Variants in FSTL4 observed in about 807,000 individuals in gnomAD.
FSTL4 encodes the protein follistatin like 4.
In FSTL4, 28 loss-of-function variants were observed where a neutral mutation model predicts 78.2. The observed-to-expected ratio is 0.36, with a 90% CI of 0.27 to 0.49. The LOEUF (loss-of-function observed/expected upper bound fraction) is 0.49, where lower values mean the gene tolerates loss of function less well. Ranked by LOEUF, FSTL4 falls within the 20% of genes least tolerant of loss-of-function variation. The probability of loss-of-function intolerance (pLI) is 0.98; values close to 1 mark genes in which losing one functional copy is unlikely to be tolerated. For synonymous variants in FSTL4, 422 were observed against 440.5 expected, an observed-to-expected ratio of 0.96 and a Z score of 0.53; for missense variants, 922 against 1,084.9, an observed-to-expected ratio of 0.85 and a Z score of 2.11.
chr5:133,620,109 A>C, the FSTL4 span, among the ~76,000 whole-genome samples: 1 of 152,236 alleles, frequency 6.6e-6, no homozygotes, highest in Non-Finnish European at 1.5e-5. Context: ...GAATGTATAC[A>C]AAAAAGTGTT....
rs780529386 is a variant in FSTL4, at chr5:133,249,363, T to C, written c.894+47A>G. ...CTGTGGCATCTTACCCAGTGTACTC[T>C]CCCAGGGAGGTGCGCTTGAGCTCAG... On this transcript the variant is annotated intron_variant, in intron 7 of 15. Transcript: ENST00000265342. 5 of 1,496,422 alleles carry C rather than the reference T, an allele frequency of 3.3e-6. No homozygotes were observed. In the African/African-American group the frequency reaches 6.9e-5, roughly 21 times the overall value. 92.7% of individuals were successfully genotyped at this position (1,496,422 alleles called of 1,614,324 possible). A position where few individuals can be genotyped will look rare whatever the true frequency, so the allele number is the denominator to read the frequency against.
intron 4 of FSTL4, among the ~76,000 whole-genome samples, chr5:133,349,286 CCT>C (rs144025396): frequency 0.015 from 2,199 of 143,192 alleles, 51 homozygotes; most frequent in African/African-American, 0.055. Flanking sequence ...CTGTTGAAAG[CCT>C]CTCTCTCTGT....
At chr5:133,372,265 G>GTATCTATC (rs774609881) in intron 4 of FSTL4, among the ~76,000 whole-genome samples, 1 of 142,082 alleles carries the variant, frequency 7.0e-6, no homozygotes, top group African/African-American at 2.6e-5. Context: ...ATGTATGTAT[G>GTATCTATC]TATGTATCTA....
intron 4 of FSTL4, among the ~76,000 whole-genome samples, chr5:133,368,137 G>A (rs1371553445): frequency 1.3e-5 from 2 of 152,258 alleles, no homozygotes; most frequent in Non-Finnish European, 2.9e-5. Context: ...TTAGCTGGGG[G>A]CTTTGGGCCA....
chr5:133,344,167 A>C (rs1260859752), intron 4 of FSTL4, among the ~76,000 whole-genome samples: 1 of 152,212 alleles, frequency 6.6e-6, no homozygotes, highest in Non-Finnish European at 1.5e-5. Flanking sequence ...ACTTTCTTGA[A>C]AATTTTTAAA....
At chr5:133,803,903 A>AGAAAGAGAAGCCCTGATTTTCAGG in the FSTL4 span, among the ~76,000 whole-genome samples, 1 of 152,190 alleles carries the variant, frequency 6.6e-6, no homozygotes, top group Non-Finnish European at 1.5e-5. Flanking sequence ...AGGGCAGAAG[A>AGAAAGAGAAGCCCTGATTTTCAGG]GAAAGAGAAG....
intron 5 of FSTL4, among the ~76,000 whole-genome samples, chr5:133,314,341 C>T (rs571788284): frequency 6.6e-6 from 1 of 152,324 alleles, no homozygotes; most frequent in African/African-American, 2.4e-5. Context: ...GCGGTTGCCC[C>T]GGGGGCCATG....
chr5:133,715,214 A>G, the FSTL4 span, among the ~76,000 whole-genome samples: 1 of 152,254 alleles, frequency 6.6e-6, no homozygotes, highest in South Asian at 2.1e-4. Context: ...CCAATTTCCT[A>G]TGTTTTAATA....
At chr5:133,711,720 C>G in the FSTL4 span, among the ~76,000 whole-genome samples, 5 of 152,302 alleles carry the variant, frequency 3.3e-5, no homozygotes, top group Non-Finnish European at 2.9e-5. Flanking sequence ...TGGGAAAACA[C>G]AAAAACCATG....
Position 133,571,632 on chromosome 5 carries a change from C to T in FSTL4, c.127-4413G>A, listed in dbSNP as rs116546292. Among the ~76,000 whole-genome samples, 450 of 152,168 alleles carry T rather than the reference C, an allele frequency of 3.0e-3. 5 individuals are homozygous for T. The highest frequency in any genetic ancestry group is 0.014 in the Middle Eastern group (4 of 294). Reference sequence around the variant, plus strand: ...CAGGTGATGGATGCACCAAAATCTCCGAAATCACCACTAAAAACCTGTAAC... The same window carrying T: ...CAGGTGATGGATGCACCAAAATCTCTGAAATCACCACTAAAAACCTGTAAC... On this transcript the variant is annotated intron_variant, in intron 2 of 15. Transcript: ENST00000265342.
At chr5:133,507,429 T>C (rs1307855598) in intron 3 of FSTL4, among the ~76,000 whole-genome samples, 2 of 151,878 alleles carry the variant, frequency 1.3e-5, no homozygotes, top group Admixed American at 6.6e-5. Flanking sequence ...ATTTCCAGAG[T>C]CTACTGCTCT....
intron 3 of FSTL4, among the ~76,000 whole-genome samples, chr5:133,539,376 T>C (rs1759421482): frequency 6.6e-6 from 1 of 152,080 alleles, no homozygotes; most frequent in African/African-American, 2.4e-5. Context: ...GTTATCTAAA[T>C]CAGGTCCAGG....
rs561917555 is a variant in FSTL4, at chr5:133,548,011, C to T, written c.160+19175G>A. 3.3e-5 allele frequency among the ~76,000 whole-genome samples: 5 copies of T among 152,260 alleles called. No homozygotes were observed. The South Asian group carries it at 1.0e-3, about 32-fold the overall frequency. On this transcript the variant is annotated intron_variant, in intron 3 of 15. Coordinates refer to ENST00000265342, the MANE Select transcript of FSTL4 (RefSeq NM_015082.2). The stretch of plus-strand genomic sequence containing the variant: ...TCAGAAGAGTTTCCTGGTTGGTGAA[C>T]ACACTGATGTGCCAGGAGAACAATG...
chr5:133,833,364 ATACT>A, the FSTL4 span, among the ~76,000 whole-genome samples: 5 of 152,242 alleles, frequency 3.3e-5, no homozygotes, highest in Non-Finnish European at 7.3e-5. Context: ...TTTTTGAAAC[ATACT>A]TTATTTTTTG....
At chr5:133,273,007 G>A (rs1459906826) in intron 6 of FSTL4, among the ~76,000 whole-genome samples, 2 of 152,216 alleles carry the variant, frequency 1.3e-5, no homozygotes, top group Non-Finnish European at 2.9e-5. Context: ...GGAGCAGGAC[G>A]GATTGGGCCA....
intron 6 of FSTL4, among the ~76,000 whole-genome samples, chr5:133,300,268 T>TGTTACCAAGTCTGCTC (rs1463011430): frequency 6.6e-6 from 1 of 152,166 alleles, no homozygotes; most frequent in Middle Eastern, 3.2e-3. Context: ...ACAGTCTGCT[T>TGTTACCAAGTCTGCTC]GTTACCAAGT....
intron 3 of FSTL4, among the ~76,000 whole-genome samples, chr5:133,438,949 C>T (rs1757093208): frequency 6.6e-6 from 1 of 152,190 alleles, no homozygotes; most frequent in African/African-American, 2.4e-5. Context: ...ACCTCACGCG[C>T]CTTTGATTCC....
chr5:133,818,874 C>G, the FSTL4 span, among the ~76,000 whole-genome samples: 2 of 139,818 alleles, frequency 1.4e-5, no homozygotes, highest in Admixed American at 1.5e-4. Flanking sequence ...CAGCTTAAAG[C>G]CCCCCACCCA....
chr5:133,362,838 C>T (rs1041536825), intron 4 of FSTL4, among the ~76,000 whole-genome samples: 2 of 152,256 alleles, frequency 1.3e-5, no homozygotes, highest in African/African-American at 4.8e-5. Context: ...TCATCTCATA[C>T]TTTTATTTTA....
Sources: gnomAD v4.1 joint callset for allele counts (sites outside exome capture counted in the v4.1 genomes callset) on GRCh38, gnomAD v4.1.1 for gene constraint, MANE v1.5 for transcripts, NCBI Gene and HGNC (gene_info 2026-07-23, HGNC 2026-07-21) for gene names.